The following HERC2 variants were observed in gnomAD, a reference collection of about 807,000 sequenced individuals.
HERC2 encodes the protein E3 ubiquitin-protein ligase HERC2.
Under a neutral mutation model 537.7 loss-of-function variants are expected in HERC2, and 102 were observed. That is an observed-to-expected ratio of 0.19 (90% CI 0.16 to 0.22). HERC2 has a LOEUF of 0.22. HERC2 is among the 10% of genes least tolerant of loss of function. The probability of loss-of-function intolerance (pLI) is 1.00; values close to 1 mark genes in which losing one functional copy is unlikely to be tolerated. For missense variants in HERC2, 4,236 were observed against 6,198.2 expected, an observed-to-expected ratio of 0.68 and a Z score of 10.63; for synonymous variants, 2,224 against 2,466.2, an observed-to-expected ratio of 0.90 and a Z score of 2.91.
chr15:28,162,765 C>G (rs1398974564), intron 69 of HERC2, among the ~76,000 whole-genome samples: 1 of 152,116 alleles, frequency 6.6e-6, no homozygotes, highest in Non-Finnish European at 1.5e-5. Flanking sequence ...GTGGTGGGCA[C>G]CTGTAGTCCC....
intron 5 of HERC2, among the ~76,000 whole-genome samples, chr15:28,278,371 T>C (rs1025787957): frequency 6.6e-6 from 1 of 152,072 alleles, no homozygotes; most frequent in Non-Finnish European, 1.5e-5. Context: ...GAGACCCCCA[T>C]GTCAAAACAA....
At position 28,144,005 on chromosome 15, in the gene HERC2, A is replaced by C. The variant is rs747108219; in HGVS notation, c.11300-14T>G. The C allele has an allele frequency of 6.2e-7, 1 of 1,614,048 alleles. No individual in the cohort carries two copies. Among genetic ancestry groups the C allele is most frequent in the African/African-American group, 1.3e-5 (1 of 74,926 alleles). ...TGTGACTGGCAGCTGAAATGAGCAGAGAGAAAGTATCAGAAGTCTGATGGT... is the reference window on the plus strand; with the variant it reads ...TGTGACTGGCAGCTGAAATGAGCAGCGAGAAAGTATCAGAAGTCTGATGGT... On this transcript the variant is annotated splice_polypyrimidine_tract_variant and intron_variant, in intron 73 of 92. Coordinates refer to ENST00000261609, the MANE Select transcript of HERC2 (RefSeq NM_004667.6).
chr15:28,274,477 C>G, intron 6 of HERC2, 30 bp from the exon 7 acceptor site: 2 of 1,574,792 alleles, frequency 1.3e-6, no homozygotes, highest in Non-Finnish European at 1.7e-6. Flanking sequence ...AGAGGAGCCC[C>G]CCCACTCCCC....
At position 28,254,664 on chromosome 15, in the gene HERC2, T is replaced by C. The variant is rs976180210; in HGVS notation, c.2872-146A>G. The C allele has an allele frequency of 1.1e-5, 6 of 565,408 alleles. No individual in the cohort carries two copies. In the East Asian group the frequency reaches 1.3e-4, roughly 12 times the overall value. The allele number at this position is 565,408 out of a possible 1,614,324, so 35.0% of individuals were successfully genotyped here. Reference sequence around the variant, plus strand: ...ACCTACCCACAGGCCCCCATCTGCCTTGTTGGAAACCCTAACTCAGTTGTG... The same window carrying C: ...ACCTACCCACAGGCCCCCATCTGCCCTGTTGGAAACCCTAACTCAGTTGTG... On this transcript the variant is annotated intron_variant, in intron 19 of 92. Transcript: ENST00000261609.
In HERC2 at chr15:28,132,692, C is replaced by T; in HGVS notation, c.12369G>A (p.Leu4123=). 6.3e-7 allele frequency: 1 copy of T among 1,588,054 alleles called. No individual in the cohort carries two copies. Among genetic ancestry groups the T allele is most frequent in the African/African-American group, 1.4e-5 (1 of 73,398 alleles). ...YTWGKGRYGR[L]GHSDSEDQLK... ...GCTGGTCCTCACTGTCGCTGTGCCCCAGCCGGCCGTAGCGGCCTTTGCCCC... is the reference window on the plus strand; with the variant it reads ...GCTGGTCCTCACTGTCGCTGTGCCCTAGCCGGCCGTAGCGGCCTTTGCCCC... Residue 4123 remains leucine (L), a synonymous_variant, in exon 80 of 93, where the codon CTG becomes CTA. Transcript: ENST00000261609.
chr15:28,111,603 T>A lies in HERC2; in HGVS notation c.*160A>T, dbSNP rs1245799093. The A allele has an allele frequency of 1.4e-6, 1 of 711,872 alleles. No individual in the cohort carries two copies. Among genetic ancestry groups the A allele is most frequent in the East Asian group, 2.7e-5 (1 of 37,056 alleles). The allele number at this position is 711,872 out of a possible 1,614,324, so 44.1% of individuals were successfully genotyped here. A position where few individuals can be genotyped will look rare whatever the true frequency, so the allele number is the denominator to read the frequency against. On this transcript the variant is annotated 3_prime_UTR_variant, in exon 93 of 93. Coordinates refer to ENST00000261609, the MANE Select transcript of HERC2 (RefSeq NM_004667.6). ...CGCGCACAGGCGGACCTTCTCACTG[T>A]CATTCCCATCACGGCCAGTCAGTCT... is the stretch of plus-strand genomic sequence containing the variant.
At chr15:28,320,729 T>C (rs2525967) in intron 2 of HERC2, among the ~76,000 whole-genome samples, 3,171 of 132,302 alleles carry the variant, frequency 0.024, 92 homozygotes, top group East Asian at 0.15. Flanking sequence ...GTGTAAATAA[T>C]TGTCTATCGA....
chr15:28,121,029 C>G (rs777389201), intron 86 of HERC2, among the ~76,000 whole-genome samples: 10 of 152,216 alleles, frequency 6.6e-5, no homozygotes, highest in Non-Finnish European at 1.5e-4. Context: ...ACACACCTCC[C>G]AATGTAACAG....
chr15:28,156,544 T>G (rs898084184), intron 69 of HERC2, among the ~76,000 whole-genome samples: 4 of 152,226 alleles, frequency 2.6e-5, no homozygotes, highest in Admixed American at 1.3e-4. Flanking sequence ...ACTCATTATT[T>G]TGCTGTTTGT....
chr15:28,131,591 G>A (rs1890113724), intron 81 of HERC2, among the ~76,000 whole-genome samples: 1 of 152,310 alleles, frequency 6.6e-6, no homozygotes, highest in Non-Finnish European at 1.5e-5. Flanking sequence ...GGGCTTGAGT[G>A]GAGCAGAGCC....
At chr15:28,115,359 C>G (rs768728140) in intron 89 of HERC2, 70 bp downstream of exon 89, 2 of 1,029,792 alleles carry the variant, frequency 1.9e-6, no homozygotes, top group African/African-American at 3.2e-5. Context: ...ACAGCCTGAC[C>G]GGACCCGCAG....
intron 48 of HERC2, among the ~76,000 whole-genome samples, chr15:28,199,589 T>A (rs999140949): frequency 6.6e-6 from 1 of 152,184 alleles, no homozygotes; most frequent in Non-Finnish European, 1.5e-5. Context: ...AAAATCACTA[T>A]GGTGCAGCCC....
At chr15:28,127,251 G>A (rs1889599738) in intron 83 of HERC2, among the ~76,000 whole-genome samples, 1 of 152,220 alleles carries the variant, frequency 6.6e-6, no homozygotes, top group African/African-American at 2.4e-5. Flanking sequence ...CTGGGCATAG[G>A]GAATGAGTCT....
At position 28,113,104 on chromosome 15, in the gene HERC2, GA is replaced by G; in HGVS notation, c.14198del (p.Ile4733ThrfsTer34). ...CGAAGTCTCGGCCCCGGAAGTCGGCGATGGTCCTGGGCAGCCTCGTCCGGCC... is the reference window on the plus strand; with the variant it reads ...CGAAGTCTCGGCCCCGGAAGTCGGCGTGGTCCTGGGCAGCCTCGTCCGGCC... ...VWGRTRLPRTIADFRGRDFVI... is the reference protein window; with the variant it reads ...VWGRTRLPRTXADFRGRDFVI... On this transcript the variant is annotated frameshift_variant, in exon 92 of 93. Transcript: ENST00000261609. LOFTEE classifies it high-confidence loss of function. This position sits in a 1 kb window ranked among gnomAD's most constrained non-coding sequence, Gnocchi z 7.0. 6.2e-7 allele frequency: 1 copy of G among 1,613,644 alleles called. No individual in the cohort carries two copies. Among genetic ancestry groups the G allele is most frequent in the Non-Finnish European group, 8.5e-7 (1 of 1,179,994 alleles).
chr15:28,215,023 C>T (rs1301221169), intron 39 of HERC2, among the ~76,000 whole-genome samples: 1 of 152,076 alleles, frequency 6.6e-6, no homozygotes, highest in Non-Finnish European at 1.5e-5. Flanking sequence ...TACAGGCACC[C>T]ACCACCAAGC....
chr15:28,201,422 C>G (rs779106506), intron 48 of HERC2, 34 bp downstream of exon 48: 1 of 1,331,426 alleles, frequency 7.5e-7, no homozygotes, highest in African/African-American at 1.4e-5. Context: ...GAATGAAAAA[C>G]GGATCGAGGC....
intron 20 of HERC2, among the ~76,000 whole-genome samples, chr15:28,254,023 C>A (rs527290788): frequency 2.0e-5 from 3 of 151,550 alleles, no homozygotes; most frequent in Admixed American, 6.6e-5. Context: ...GTGGGTGATG[C>A]CTGTAATCCC....
chr15:28,270,691 A>G lies in HERC2; in HGVS notation c.1257+4T>C, dbSNP rs1298950166. 2 of 1,612,614 alleles carry G rather than the reference A, an allele frequency of 1.2e-6. No homozygotes were observed. Among genetic ancestry groups the G allele is most frequent in the Non-Finnish European group, 8.5e-7 (1 of 1,179,094 alleles). On this transcript the variant is annotated splice_donor_region_variant and intron_variant, in intron 10 of 92. Coordinates refer to ENST00000261609, the MANE Select transcript of HERC2 (RefSeq NM_004667.6). ...CATGGAGAACACGGTTCTTGCACACACACCTTATGAGATGTCGGAGAGCTA... is the reference window on the plus strand; with the variant it reads ...CATGGAGAACACGGTTCTTGCACACGCACCTTATGAGATGTCGGAGAGCTA...
chr15:28,315,168 A>G (rs536671009), intron 2 of HERC2, among the ~76,000 whole-genome samples: 1 of 152,330 alleles, frequency 6.6e-6, no homozygotes, highest in East Asian at 1.9e-4. Flanking sequence ...CTACACCATA[A>G]AATAGTCCAA....
Sources: gnomAD v4.1 joint callset for allele counts (sites outside exome capture counted in the v4.1 genomes callset) on GRCh38, gnomAD v4.1.1 for gene constraint, Gnocchi (gnomAD v3.1) non-coding constraint, MANE v1.5 for transcripts, NCBI Gene and HGNC (gene_info 2026-07-23, HGNC 2026-07-21) for gene names.